The following SMARCA1 variants were observed in gnomAD, a reference collection of about 807,000 sequenced individuals.
SMARCA1 encodes SWI/SNF-related matrix-associated actin-dependent regulator of chromatin subfamily A member 1.
A neutral mutation model predicts 93.6 loss-of-function variants in SMARCA1; 17 were observed. The ratio of observed to expected loss-of-function variants is 0.18; its 90% CI spans 0.12 to 0.27. The LOEUF (loss-of-function observed/expected upper bound fraction) is 0.27. Among genes scored for constraint, SMARCA1 ranks in the 10% least tolerant of loss-of-function variants. The probability of loss-of-function intolerance (pLI) is 1.00; values close to 1 mark genes in which losing one functional copy is unlikely to be tolerated. For synonymous variants in SMARCA1, 271 were observed against 271.4 expected (o/e 1.00, Z 0.01); for missense variants, 630 against 819.0 (o/e 0.77, Z 2.82).
Position 129,446,955 on chromosome X carries a change from T to C in SMARCA1, c.*207A>G, listed in dbSNP as rs1932041691. The stretch of plus-strand genomic sequence containing the variant: ...TGATGAAGACATGAAATGCACAAAA[T>C]ACAGTACACAAAAATACTAGAATGC... On this transcript the variant is annotated 3_prime_UTR_variant, in exon 25 of 25. Transcript: ENST00000371121. 2.7e-6 allele frequency: 1 copy of C among 367,279 alleles called. No homozygotes were observed. Among genetic ancestry groups the C allele is most frequent in the African/African-American group, 2.6e-5 (1 of 38,083 alleles). The allele number at this position is 367,279 out of a possible 1,213,427, so 30.3% of individuals were successfully genotyped here.
At chrX:129,485,672 G>T (rs1933858169) in intron 17 of SMARCA1, among the ~76,000 whole-genome samples, 1 of 111,687 alleles carries the variant, frequency 9.0e-6, no homozygotes, top group African/African-American at 3.3e-5. Flanking sequence ...GGCCCAATAG[G>T]AAGTGTTTGG....
intron 19 of SMARCA1, 85 bp from the exon 20 acceptor site, chrX:129,471,411 T>A (rs1327172459): frequency 8.9e-5 from 53 of 598,516 alleles, no homozygotes; most frequent in Non-Finnish European, 1.1e-4. Context: ...ATCTTTAGAG[T>A]TATTTCAAGA....
intron 20 of SMARCA1, among the ~76,000 whole-genome samples, chrX:129,470,823 C>T (rs140792692): frequency 0.032 from 3,530 of 111,467 alleles, 51 homozygotes; most frequent in Non-Finnish European, 0.042. Context: ...GAGCTCAGAT[C>T]GCACCACTGC....
chrX:129,447,696 C>G (rs778404327), intron 24 of SMARCA1, among the ~76,000 whole-genome samples: 1 of 111,803 alleles, frequency 8.9e-6, no homozygotes, highest in African/African-American at 3.2e-5. Flanking sequence ...CACCTGGCAG[C>G]ATTTTCCCTC....
chrX:129,468,933 A>G, intron 20 of SMARCA1, 28 bp from the exon 21 acceptor site: 3 of 1,078,785 alleles, frequency 2.8e-6, no homozygotes, highest in Non-Finnish European at 3.8e-6. Flanking sequence ...AGCATTATCA[A>G]TAGAGGTTAA....
chrX:129,491,988 T>C lies in SMARCA1; in HGVS notation c.1768A>G (p.Ile590Val), dbSNP rs1414780391. The change falls in exon 14 of 25, where the codon ATA becomes GTA. Residue 590 changes from isoleucine to valine, a missense_variant. Physicochemically the swap from Ile to Val is conservative, Grantham distance 29. Coordinates refer to ENST00000371121, the MANE Select transcript of SMARCA1 (RefSeq NM_001282874.2). The stretch of plus-strand genomic sequence containing the variant: ...GGGTTCCAGTCTGAATCATATAGTA[T>C]AACCACATCAGCACTTGCCAGGTTA... ...GINLASADVV[I>V]LYDSDWNPQV... The C allele has an allele frequency of 2.5e-6, 3 of 1,202,302 alleles. No individual in the cohort carries two copies. The highest frequency in any genetic ancestry group is 3.4e-6 in the Non-Finnish European group (3 of 887,408).
At chrX:129,492,220 T>C (rs1934154308) in intron 13 of SMARCA1, 127 bp from the exon 14 acceptor site, 1 of 409,233 alleles carries the variant, frequency 2.4e-6, no homozygotes, top group South Asian at 5.4e-5. Context: ...TTTATAATAT[T>C]CCTTATAAAT....
chrX:129,519,251 C>G (rs1183256064), intron 1 of SMARCA1, among the ~76,000 whole-genome samples: 1 of 111,552 alleles, frequency 9.0e-6, no homozygotes, highest in Non-Finnish European at 1.9e-5. Flanking sequence ...CAAGCCTGTA[C>G]TGGCAAATAT....
chrX:129,495,776 T>G (rs1033874741), intron 12 of SMARCA1, among the ~76,000 whole-genome samples: 2 of 102,119 alleles, frequency 2.0e-5, no homozygotes, highest in Admixed American at 1.1e-4. Context: ...GAACCTATCT[T>G]TTTTTTTTTT....
intron 19 of SMARCA1, among the ~76,000 whole-genome samples, chrX:129,473,376 T>C (rs1602669831): frequency 8.9e-6 from 1 of 111,855 alleles, no homozygotes. Context: ...AGCCCAGTCA[T>C]AGCATGATTA....
chrX:129,517,530 C>G (rs758617958), intron 2 of SMARCA1, among the ~76,000 whole-genome samples: 139 of 110,991 alleles, frequency 1.3e-3, no homozygotes, highest in African/African-American at 4.3e-3. Context: ...TTTATATTAT[C>G]CTCACTGGAA....
At chrX:129,462,143 G>T in intron 23 of SMARCA1, among the ~76,000 whole-genome samples, 1 of 111,923 alleles carries the variant, frequency 8.9e-6, no homozygotes, top group Non-Finnish European at 1.9e-5. Flanking sequence ...ATGTCTCTGA[G>T]AAAGAAAAGA....
At chrX:129,514,879 C>G (rs953742343) in intron 5 of SMARCA1, among the ~76,000 whole-genome samples, 7 of 110,072 alleles carry the variant, frequency 6.4e-5, no homozygotes, top group Non-Finnish European at 1.9e-5. Flanking sequence ...GAAACCCCAT[C>G]TCTACTAAAA....
At chrX:129,496,632 G>A (rs1207736070) in intron 12 of SMARCA1, 118 bp downstream of exon 12, 1 of 546,486 alleles carries the variant, frequency 1.8e-6, no homozygotes, top group East Asian at 3.4e-5. Context: ...AGATGCTAAT[G>A]AGAAATTCAA....
intron 14 of SMARCA1, among the ~76,000 whole-genome samples, chrX:129,490,794 T>A (rs1265481158): frequency 6.4e-5 from 7 of 108,877 alleles, no homozygotes; most frequent in African/African-American, 2.0e-4. Flanking sequence ...AGGAGGGTGG[T>A]AGAGAAAAAA....
Position 129,506,052 on chromosome X carries a change from A to T in SMARCA1, c.1098+28T>A, listed in dbSNP as rs972828302. ...ACATGTCAGTGAAAATAAGAAAGTT[A>T]TACTTAAAACGTATGGCTTAAACTT... On this transcript the variant is annotated intron_variant, in intron 8 of 24. Coordinates refer to ENST00000371121, the MANE Select transcript of SMARCA1 (RefSeq NM_001282874.2). The T allele has an allele frequency of 2.7e-6, 3 of 1,105,382 alleles. No individual in the cohort carries two copies. In the African/African-American group the frequency reaches 5.4e-5, roughly 20 times the overall value. 91.1% of individuals were successfully genotyped at this position (1,105,382 alleles called of 1,213,427 possible).
At chrX:129,516,023 A>G in intron 3 of SMARCA1, 29 bp from the exon 4 acceptor site, 2 of 1,029,652 alleles carry the variant, frequency 1.9e-6, no homozygotes, top group Middle Eastern at 2.5e-4. Context: ...ATCCCTTCAT[A>G]TTCGACCTAA....
intron 23 of SMARCA1, among the ~76,000 whole-genome samples, chrX:129,457,827 T>C (rs1333747359): frequency 8.9e-6 from 1 of 111,996 alleles, no homozygotes; most frequent in Non-Finnish European, 1.9e-5. Flanking sequence ...TATGACAATC[T>C]TTCACATGTT....
intron 23 of SMARCA1, among the ~76,000 whole-genome samples, chrX:129,461,332 T>G (rs1334977775): frequency 1.8e-5 from 2 of 111,971 alleles, no homozygotes; most frequent in Non-Finnish European, 3.8e-5. Context: ...TGTTCCTTAT[T>G]TCAGAGAGTT....
Sources: gnomAD v4.1 joint callset for allele counts (sites outside exome capture counted in the v4.1 genomes callset) on GRCh38, gnomAD v4.1.1 for gene constraint, MANE v1.5 for transcripts, NCBI Gene and HGNC (gene_info 2026-07-23, HGNC 2026-07-21) for gene names.